DNM2: variants seen among roughly 807,000 people sequenced by gnomAD.
DNM2 encodes dynamin 2, also known as dynamin-2.
A neutral mutation model predicts 99.0 loss-of-function variants in DNM2; 15 were observed. That is an observed-to-expected ratio of 0.15 (90% confidence interval 0.10 to 0.23). The LOEUF (loss-of-function observed/expected upper bound fraction) is 0.23, where lower values mean the gene tolerates loss of function less well. DNM2 is among the 10% of genes least tolerant of loss of function. The pLI is 1.00. For synonymous variants in DNM2, 525 were observed against 481.2 expected (o/e 1.09, Z -1.19); for missense variants, 742 against 1,189.4 (o/e 0.62, Z 5.53).
rs535966052 is a variant in DNM2, at chr19:10,817,820, C to T, written c.1672-2160C>T. ...ACACACGTGTGTGTGTGTGTGTGCG[C>T]GCGCGCGCACGCGTGCGTGCCGGCA... On this transcript the variant is annotated intron_variant, in intron 15 of 20. Coordinates refer to ENST00000389253, the MANE Select transcript of DNM2 (RefSeq NM_001005361.3). The surrounding 1 kb of genome is among the most constrained non-coding windows in gnomAD (Gnocchi z 4.6). Among the ~76,000 whole-genome samples, 423 of 94,696 alleles carry T rather than the reference C, an allele frequency of 4.5e-3. 3 individuals carry two copies. The highest frequency in any genetic ancestry group is 0.03 in the East Asian group (100 of 3,292). 62.1% of individuals were successfully genotyped at this position (94,696 alleles called of 152,430 possible).
chr19:10,789,666 C>T (rs1661729018), intron 7 of DNM2, among the ~76,000 whole-genome samples: 1 of 152,000 alleles, frequency 6.6e-6, no homozygotes, highest in African/African-American at 2.4e-5. Flanking sequence ...AACCCTGTCT[C>T]TATGAAAAAA....
intron 13 of DNM2, 131 bp from the exon 14 acceptor site, chr19:10,808,438 C>T: frequency 2.0e-5 from 18 of 904,560 alleles, no homozygotes; most frequent in East Asian, 8.5e-5. Context: ...CTGTTTTTTC[C>T]CCTGCTCTTC....
At chr19:10,739,351 G>A (rs1159179645) in intron 1 of DNM2, among the ~76,000 whole-genome samples, 1 of 152,108 alleles carries the variant, frequency 6.6e-6, no homozygotes, top group Non-Finnish European at 1.5e-5. Context: ...TCACAGTTGT[G>A]TAACCAGCAC....
chr19:10,786,041 C>T (rs2071546906), intron 6 of DNM2, among the ~76,000 whole-genome samples: 1 of 152,096 alleles, frequency 6.6e-6, no homozygotes, highest in African/African-American at 2.4e-5. Context: ...CTTAAGTGAT[C>T]CTTCTGCCTC....
Position 10,772,555 on chromosome 19 carries a change from G to A in DNM2, c.312G>A (p.Glu104=), listed in dbSNP as rs144970326. ...AAGTCCGGCAGGAGATTGAAGCAGA[G>A]ACCGACAGGGTCACGGGGACCAACA... The part of the protein sequence containing the change: ...FDEVRQEIEA[E]TDRVTGTNKG... The change falls in exon 3 of 21, where the codon GAG becomes GAA. Residue 104 remains glutamate, a synonymous_variant. Transcript: ENST00000389253. This position sits in a 1 kb window ranked among gnomAD's most constrained non-coding sequence, Gnocchi z 4.9. 25 of 1,614,182 alleles carry A rather than the reference G, an allele frequency of 1.5e-5. No individual in the cohort carries two copies. The African/African-American group carries it at 2.7e-4, about 17-fold the overall frequency.
At position 10,811,710 on chromosome 19, in the gene DNM2, TG is replaced by T. The variant is rs1204610450; in HGVS notation, c.1558-553del. 1 of 518,324 alleles carries T rather than the reference TG, an allele frequency of 1.9e-6. No homozygotes were observed. Among genetic ancestry groups the T allele is most frequent in the South Asian group, 1.4e-5 (1 of 71,432 alleles). The allele number at this position is 518,324 out of a possible 1,614,324, so 32.1% of individuals were successfully genotyped here. ...GCCTGGGTTCTGACCCCCACGCAGA[TG>T]ACAGCTACAGCCACACAATCCCCAT... is the stretch of plus-strand genomic sequence containing the variant. On this transcript the variant is annotated intron_variant, in intron 14 of 20. Coordinates refer to ENST00000389253, the MANE Select transcript of DNM2 (RefSeq NM_001005361.3). The surrounding 1 kb of genome is among the most constrained non-coding windows in gnomAD (Gnocchi z 5.4).
At chr19:10,808,519 T>A in intron 13 of DNM2, 50 bp from the exon 14 acceptor site, 1 of 1,605,558 alleles carries the variant, frequency 6.2e-7, no homozygotes. Context: ...TCTTTTCCTT[T>A]GCCTGCTCTT....
At chr19:10,754,131 C>T (rs1349290390) in intron 1 of DNM2, among the ~76,000 whole-genome samples, 1 of 152,152 alleles carries the variant, frequency 6.6e-6, no homozygotes, top group Non-Finnish European at 1.5e-5. Flanking sequence ...AGGGTTGTAA[C>T]AATTCTGTGG....
In DNM2 at chr19:10,820,104, G is replaced by A. The variant is rs1261621294; in HGVS notation, c.1781+15G>A. 1.9e-6 allele frequency: 3 copies of A among 1,613,826 alleles called. No individual in the cohort carries two copies. Among genetic ancestry groups the A allele is most frequent in the South Asian group, 2.2e-5 (2 of 91,074 alleles). ...ACGGAGCAGAGGTGAGGGGCCCAGG[G>A]GCCTGGGGATGGCTCGGGGTGAAGA... On this transcript the variant is annotated intron_variant, in intron 16 of 20. Coordinates refer to ENST00000389253, the MANE Select transcript of DNM2 (RefSeq NM_001005361.3). This position sits in a 1 kb window ranked among gnomAD's most constrained non-coding sequence, Gnocchi z 4.3.
At chr19:10,793,466 A>G (rs1042856161) in intron 7 of DNM2, among the ~76,000 whole-genome samples, 13 of 152,182 alleles carry the variant, frequency 8.5e-5, no homozygotes, top group Non-Finnish European at 1.5e-5. Flanking sequence ...TCTTCTGCAA[A>G]GTGGGAGGAA....
chr19:10,794,281 G>A lies in DNM2; in HGVS notation c.1128+426G>A, dbSNP rs149474897. 4.2e-3 allele frequency among the ~76,000 whole-genome samples: 645 copies of A among 151,916 alleles called. 1 individual carries two copies. Among genetic ancestry groups the A allele is most frequent in the Middle Eastern group, 0.01 (3 of 294 alleles). The stretch of plus-strand genomic sequence containing the variant: ...GATGTCTGTCTACAAGTGTTTCTTT[G>A]TATTTGCAAGGATGTTTGCAAAAAT... On this transcript the variant is annotated intron_variant, in intron 8 of 20. Coordinates refer to ENST00000389253, the MANE Select transcript of DNM2 (RefSeq NM_001005361.3).
chr19:10,741,751 C>T (rs1280492604), intron 1 of DNM2, among the ~76,000 whole-genome samples: 1 of 151,578 alleles, frequency 6.6e-6, no homozygotes, highest in East Asian at 2.0e-4. Context: ...CGGGGTTTCA[C>T]CGTGTTAGCC....
intron 1 of DNM2, among the ~76,000 whole-genome samples, chr19:10,734,623 A>G (rs2145728658): frequency 8.2e-6 from 1 of 122,234 alleles, no homozygotes; most frequent in East Asian, 2.8e-4. Context: ...CGGGCAACAG[A>G]GCCAGACCCT....
intron 7 of DNM2, among the ~76,000 whole-genome samples, chr19:10,791,712 CG>C (rs887017345): frequency 6.6e-6 from 1 of 152,122 alleles, no homozygotes; most frequent in Middle Eastern, 3.2e-3. Context: ...CCCCTCCCCC[CG>C]TCGCCCAGTC....
intron 10 of DNM2, among the ~76,000 whole-genome samples, 170 bp downstream of exon 10, chr19:10,797,688 G>A (rs766647270): frequency 6.6e-6 from 1 of 152,206 alleles, no homozygotes; most frequent in Non-Finnish European, 1.5e-5. Flanking sequence ...GGGGGGAGTG[G>A]CATCACACGT....
rs2072567810 is a variant in DNM2, at chr19:10,812,093, C to G, written c.1558-171C>G. 1.7e-6 allele frequency: 1 copy of G among 596,816 alleles called. No homozygotes were observed. The allele number at this position is 596,816 out of a possible 1,614,324, so 37.0% of individuals were successfully genotyped here. A position where few individuals can be genotyped will look rare whatever the true frequency, so the allele number is the denominator to read the frequency against. ...CCCAGGTGGCGCCTCATGTTGGTTT[C>G]CTGCTGGAAATGCTTGGGACAGGGT... On this transcript the variant is annotated intron_variant, in intron 14 of 20. Transcript: ENST00000389253. The surrounding 1 kb of genome is among the most constrained non-coding windows in gnomAD (Gnocchi z 4.0).
intron 13 of DNM2, among the ~76,000 whole-genome samples, chr19:10,807,695 C>A (rs527560684): frequency 1.9e-3 from 287 of 149,072 alleles, no homozygotes; most frequent in Non-Finnish European, 3.0e-3. Flanking sequence ...ATTACAGGAG[C>A]CTGCCACCAC....
chr19:10,790,577 C>T (rs1017713829), intron 7 of DNM2, among the ~76,000 whole-genome samples: 1 of 152,170 alleles, frequency 6.6e-6, no homozygotes, highest in Non-Finnish European at 1.5e-5. Context: ...AGCGATTCTC[C>T]TGTCTCAGCC....
chr19:10,829,360 A>G (rs1327717457), intron 19 of DNM2, 92 bp downstream of exon 19: 2 of 1,487,376 alleles, frequency 1.3e-6, no homozygotes, highest in Non-Finnish European at 9.2e-7. Context: ...AGGAAACAGG[A>G]CACAGCCCAA....
Sources: allele counts gnomAD v4.1 joint callset (sites outside exome capture counted in the v4.1 genomes callset), GRCh38; gene constraint gnomAD v4.1.1; non-coding constraint Gnocchi (gnomAD v3.1); transcripts MANE v1.5; gene names NCBI Gene and HGNC (gene_info 2026-07-23, HGNC 2026-07-21).